SPATA17: variants seen among roughly 807,000 people sequenced by gnomAD.
The protein encoded by SPATA17 is spermatogenesis associated 17.
Under a neutral mutation model 62.2 loss-of-function variants are expected in SPATA17, and 53 were observed. The observed-to-expected ratio is 0.85, with a 90% CI of 0.68 to 1.07. SPATA17 has a LOEUF of 1.07. Ranked by LOEUF, SPATA17 falls within the 50% of genes least tolerant of loss-of-function variation. SPATA17 has a pLI of 0.00. For missense variants in SPATA17, 466 were observed against 425.5 expected (o/e 1.10, Z -0.84); for synonymous variants, 146 against 146.8 (o/e 0.99, Z 0.04).
chr1:217,706,068 G>A (rs1282327879), intron 5 of SPATA17, among the ~76,000 whole-genome samples: 1 of 152,130 alleles, frequency 6.6e-6, no homozygotes, highest in Non-Finnish European at 1.5e-5. Context: ...ATTGGCATAT[G>A]TGTCTGTTTT....
intron 9 of SPATA17, among the ~76,000 whole-genome samples, chr1:217,804,420 C>A (rs1674384027): frequency 6.6e-6 from 1 of 152,108 alleles, no homozygotes; most frequent in Admixed American, 6.6e-5. Flanking sequence ...AGATTAAGAC[C>A]TGAAACTGTA....
chr1:217,757,821 G>A (rs1296364526), intron 6 of SPATA17, among the ~76,000 whole-genome samples: 2 of 152,186 alleles, frequency 1.3e-5, no homozygotes, highest in South Asian at 2.1e-4. Flanking sequence ...TAAACAAGTG[G>A]AAGAAGACCT....
rs564682145 is a variant in SPATA17 at position 217,836,471 on chromosome 1, G to A, written c.1006-26303G>A. ...AGTTGTTTGCTGTCAGATACATTCC[G>A]GGGAATGCTGAAGGGAAATGTTAAC... is the stretch of plus-strand genomic sequence containing the variant. On this transcript the variant is annotated intron_variant, in intron 9 of 10. Coordinates refer to ENST00000366933, the MANE Select transcript of SPATA17 (RefSeq NM_138796.4). Among the ~76,000 whole-genome samples, 12 of 152,112 alleles carry A rather than the reference G, an allele frequency of 7.9e-5. No homozygotes were observed. In the South Asian group the frequency reaches 1.0e-3, roughly 13 times the overall value.
At chr1:217,855,590 G>A (rs1162607276) in intron 9 of SPATA17, among the ~76,000 whole-genome samples, 1 of 151,912 alleles carries the variant, frequency 6.6e-6, no homozygotes, top group Non-Finnish European at 1.5e-5. Context: ...ATATGCCACT[G>A]AATACAATGA....
At chr1:217,680,094 GC>G (rs1247080730) in intron 4 of SPATA17, among the ~76,000 whole-genome samples, 3 of 152,084 alleles carry the variant, frequency 2.0e-5, no homozygotes, top group Non-Finnish European at 4.4e-5. Flanking sequence ...ATTTTCCTAT[GC>G]AACTTGAATA....
intron 7 of SPATA17, among the ~76,000 whole-genome samples, chr1:217,777,351 C>G (rs1027030495): frequency 6.6e-6 from 1 of 152,000 alleles, no homozygotes; most frequent in Non-Finnish European, 1.5e-5. Flanking sequence ...CCCCTTGGAC[C>G]GCTTTCTCCT....
chr1:217,756,378 A>T (rs1280866412), intron 6 of SPATA17, among the ~76,000 whole-genome samples: 3 of 152,092 alleles, frequency 2.0e-5, no homozygotes, highest in Non-Finnish European at 4.4e-5. Flanking sequence ...GGGAAAGCTA[A>T]TATTTTTTAG....
intron 7 of SPATA17, among the ~76,000 whole-genome samples, chr1:217,781,537 A>T (rs1046914932): frequency 6.6e-6 from 1 of 152,202 alleles, no homozygotes; most frequent in Non-Finnish European, 1.5e-5. Flanking sequence ...TTCACAGTGC[A>T]GCTGTGGACT....
chr1:217,700,375 G>A (rs912650097), intron 5 of SPATA17, among the ~76,000 whole-genome samples: 1 of 151,912 alleles, frequency 6.6e-6, no homozygotes, highest in Non-Finnish European at 1.5e-5. Context: ...GCATATGTAT[G>A]GCCTATGTAT....
intron 5 of SPATA17, among the ~76,000 whole-genome samples, chr1:217,735,708 A>G (rs1236138106): frequency 1.3e-5 from 2 of 152,212 alleles, no homozygotes; most frequent in African/African-American, 4.8e-5. Context: ...GCCTTCTTAC[A>G]GGAAACGATG....
At chr1:217,677,364 G>A (rs10495070) in intron 4 of SPATA17, among the ~76,000 whole-genome samples, 6,799 of 151,772 alleles carry the variant, frequency 0.045, 232 homozygotes, top group Middle Eastern at 0.1. Flanking sequence ...ATAAAGATTC[G>A]TCTCAATCCC....
chr1:217,665,910 G>A (rs936922241), intron 3 of SPATA17, among the ~76,000 whole-genome samples: 7 of 152,092 alleles, frequency 4.6e-5, no homozygotes, highest in Admixed American at 6.6e-5. Flanking sequence ...CTAACAAATG[G>A]CTGATAATGT....
At chr1:217,789,808 G>A (rs913747647) in intron 8 of SPATA17, among the ~76,000 whole-genome samples, 3 of 152,114 alleles carry the variant, frequency 2.0e-5, no homozygotes, top group Admixed American at 6.5e-5. Context: ...GCTGAGCCAC[G>A]TGGATCACTT....
At chr1:217,758,785 C>A (rs2102961320) in intron 6 of SPATA17, among the ~76,000 whole-genome samples, 1 of 152,168 alleles carries the variant, frequency 6.6e-6, no homozygotes, top group South Asian at 2.1e-4. Context: ...CTTGAGATCT[C>A]CAGGGAATGA....
chr1:217,838,793 G>T (rs1030243245), intron 9 of SPATA17, among the ~76,000 whole-genome samples: 1 of 152,052 alleles, frequency 6.6e-6, no homozygotes, highest in Admixed American at 6.6e-5. Flanking sequence ...TTCTAAATAT[G>T]TAGGTAAAAT....
rs78496807 is a variant in SPATA17 at position 217,751,017 on chromosome 1, T to C, written c.519+8919T>C. 9.8e-3 allele frequency among the ~76,000 whole-genome samples: 1,492 copies of C among 152,306 alleles called. 16 individuals are homozygous for C. The highest frequency in any genetic ancestry group is 0.032 in the African/African-American group (1,325 of 41,560). On this transcript the variant is annotated intron_variant, in intron 6 of 10. Coordinates refer to ENST00000366933, the MANE Select transcript of SPATA17 (RefSeq NM_138796.4). The stretch of plus-strand genomic sequence containing the variant: ...TAAACCTTACATGGAAGGAACTGTA[T>C]CCTACCTTTATGACTGTCCAGCCAT...
At chr1:217,862,142 T>A (rs1675909736) in intron 9 of SPATA17, among the ~76,000 whole-genome samples, 1 of 152,150 alleles carries the variant, frequency 6.6e-6, no homozygotes, top group Non-Finnish European at 1.5e-5. Flanking sequence ...CATACACCTT[T>A]ATATAGTCTG....
intron 6 of SPATA17, among the ~76,000 whole-genome samples, chr1:217,771,648 A>G (rs189029356): frequency 1.3e-5 from 2 of 152,302 alleles, no homozygotes; most frequent in African/African-American, 4.8e-5. Flanking sequence ...TAAAATACTG[A>G]CACCTTGAAG....
Position 217,729,248 on chromosome 1 carries a change from C to T in SPATA17, c.396-12727C>T, listed in dbSNP as rs112605551. Among the ~76,000 whole-genome samples, 506 of 152,242 alleles carry T rather than the reference C, an allele frequency of 3.3e-3. 2 individuals carry two copies. Among genetic ancestry groups the T allele is most frequent in the African/African-American group, 0.012 (482 of 41,550 alleles). ...TACATGGCAATTCTTTGAATTCATC[C>T]AAAGCTGAACAAAATTTATGAACTC... On this transcript the variant is annotated intron_variant, in intron 5 of 10. Coordinates refer to ENST00000366933, the MANE Select transcript of SPATA17 (RefSeq NM_138796.4).
Sources: gnomAD v4.1 joint callset for allele counts (sites outside exome capture counted in the v4.1 genomes callset) on GRCh38, gnomAD v4.1.1 for gene constraint, MANE v1.5 for transcripts, NCBI Gene and HGNC (gene_info 2026-07-23, HGNC 2026-07-21) for gene names.